The following PROM2 variants were observed in gnomAD, a reference collection of about 807,000 sequenced individuals.
PROM2 encodes prominin 2, also known as prominin-2.
A neutral mutation model predicts 110.2 loss-of-function variants in PROM2; 90 were observed. That is an observed-to-expected ratio of 0.82 (90% CI 0.69 to 0.97). The LOEUF (loss-of-function observed/expected upper bound fraction) is 0.97, where lower values mean the gene tolerates loss of function less well. Among genes scored for constraint, PROM2 ranks in the 50% least tolerant of loss-of-function variants. The pLI, the probability that PROM2 is intolerant of heterozygous loss-of-function variation, is 0.00. For synonymous variants in PROM2, 470 were observed against 467.8 expected (o/e 1.00, Z -0.06); for missense variants, 1,009 against 1,074.8 (o/e 0.94, Z 0.86).
chr2:95,281,501 C>A, intron 12 of PROM2, 136 bp downstream of exon 12: 2 of 1,186,098 alleles, frequency 1.7e-6, no homozygotes, highest in Non-Finnish European at 1.2e-6. Flanking sequence ...ACAGACATGG[C>A]CAAGGAAAGA....
rs753962522 is a variant in PROM2, at chr2:95,276,401, C to T, written c.618+54C>T. 8.7e-6 allele frequency: 14 copies of T among 1,601,626 alleles called. No individual in the cohort carries two copies. Among genetic ancestry groups the T allele is most frequent in the Admixed American group, 1.7e-5 (1 of 59,322 alleles). ...TGCCCCTGTGAGCACTGGGCCCGGGCAGGACAGAGCCGAGTGGGCCCTCGA... is the reference window on the plus strand; with the variant it reads ...TGCCCCTGTGAGCACTGGGCCCGGGTAGGACAGAGCCGAGTGGGCCCTCGA... On this transcript the variant is annotated intron_variant, in intron 4 of 23. Transcript: ENST00000317620. This position sits in a 1 kb window ranked among gnomAD's most constrained non-coding sequence, Gnocchi z 4.6.
In PROM2 at chr2:95,277,482, G is replaced by A; in HGVS notation, c.891G>A (p.Leu297=). 1 of 1,612,446 alleles carries A rather than the reference G, an allele frequency of 6.2e-7. No homozygotes were observed. Among genetic ancestry groups the A allele is most frequent in the Non-Finnish European group, 8.5e-7 (1 of 1,179,714 alleles). The part of the protein sequence containing the change: ...IREHRDRLLE[L]LQEARCQGDC... The stretch of plus-strand genomic sequence containing the variant: ...AACACCGGGACCGCCTCCTTGAGCT[G>A]CTGCAGGAGGCCAGGTGCCAGGGAG... The change falls in exon 7 of 24, where the codon CTG becomes CTA. Residue 297 remains leucine (L), a synonymous_variant. Transcript: ENST00000317620.
chr2:95,286,892 C>A, intron 18 of PROM2, 35 bp downstream of exon 18: 3 of 1,605,678 alleles, frequency 1.9e-6, no homozygotes, highest in Non-Finnish European at 2.6e-6. Flanking sequence ...TGGTGGAGCA[C>A]AGGGGCTGCA....
In PROM2 at chr2:95,288,974, G is replaced by A. The variant is rs773637312; in HGVS notation, c.2483G>A (p.Arg828Gln). ...GAGACTCAGCTCTTCCACATCCCCC[G>A]GGTTACCTCCCTGAAGCTGTAGGGC... ...SEETQLFHIP[R>Q]VTSLKL The change falls in exon 23 of 24, where the codon CGG (arginine) becomes CAG (glutamine). Residue 828 changes from arginine (R) to glutamine (Q), a missense_variant. Coordinates refer to ENST00000317620, the MANE Select transcript of PROM2 (RefSeq NM_001165978.3). 5.0e-6 allele frequency: 8 copies of A among 1,614,102 alleles called. No individual in the cohort carries two copies. The East Asian group carries it at 1.3e-4, about 27-fold the overall frequency.
chr2:95,285,589 C>T lies in PROM2; in HGVS notation c.1876-50C>T, dbSNP rs1388689244. On this transcript the variant is annotated intron_variant, in intron 15 of 23. Transcript: ENST00000317620. ...GAGGCTGGGATCAGGTGGTGGTGGG[C>T]CCCAGGGGAGCTGGGTTCATCCCTC... 3 of 1,489,068 alleles carry T rather than the reference C, an allele frequency of 2.0e-6. No homozygotes were observed. In the African/African-American group the frequency reaches 4.2e-5, roughly 21 times the overall value. The allele number at this position is 1,489,068 out of a possible 1,614,324, so 92.2% of individuals were successfully genotyped here.
At chr2:95,284,919 TC>T (rs1218513809) in intron 14 of PROM2, 49 bp from the exon 15 acceptor site, 1 of 1,571,914 alleles carries the variant, frequency 6.4e-7, no homozygotes, top group African/African-American at 1.3e-5. Flanking sequence ...ATCTCTGGGG[TC>T]CTGGCTCAGC....
In PROM2 at chr2:95,275,461, A is replaced by C; in HGVS notation, c.245A>C (p.Glu82Ala). 6.2e-7 allele frequency: 1 copy of C among 1,612,212 alleles called. No individual in the cohort carries two copies. The highest frequency in any genetic ancestry group is 8.5e-7 in the Non-Finnish European group (1 of 1,179,096). The change falls in exon 2 of 24, where the codon GAG (glutamate) becomes GCG (alanine). Residue 82 changes from glutamate (E) to alanine (A), a missense_variant and splice_region_variant. Glu to Ala is a moderately radical substitution (Grantham distance 107). Coordinates refer to ENST00000317620, the MANE Select transcript of PROM2 (RefSeq NM_001165978.3). This position sits in a 1 kb window ranked among gnomAD's most constrained non-coding sequence, Gnocchi z 4.4. ...TCCTCAGCTTGGCTCTTTCCCATAG[A>C]GTTGGTAAAGGCCCTACTGAATGAG... ...SVVQLNPFPS[E>A]LVKALLNELA...
intron 10 of PROM2, among the ~76,000 whole-genome samples, 161 bp from the exon 11 acceptor site, chr2:95,279,684 A>ACTCAGGC (rs1196895115): frequency 6.6e-6 from 1 of 152,098 alleles, no homozygotes; most frequent in Non-Finnish European, 1.5e-5. Context: ...GAGCCTGGAG[A>ACTCAGGC]CCACACAAGA....
chr2:95,287,001 C>A, intron 18 of PROM2, 132 bp from the exon 19 acceptor site: 1 of 1,259,488 alleles, frequency 7.9e-7, no homozygotes, highest in South Asian at 1.3e-5. Flanking sequence ...GCAGCAGAGC[C>A]TGGGGGATCA....
chr2:95,285,971 T>C (rs1489306098), intron 16 of PROM2, among the ~76,000 whole-genome samples: 1 of 152,184 alleles, frequency 6.6e-6, no homozygotes, highest in African/African-American at 2.4e-5. Context: ...GGGTGGACTG[T>C]CCTCCATCTC....
In PROM2 at chr2:95,274,841, C is replaced by T. The variant is rs1676553210; in HGVS notation, c.244+12C>T. ...TCCTTTCCCTTCAGGTGAGTGTGCC[C>T]CTCCCCCATGAGGGCCTCAGCATTT... On this transcript the variant is annotated intron_variant, in intron 1 of 23. Coordinates refer to ENST00000317620, the MANE Select transcript of PROM2 (RefSeq NM_001165978.3). The T allele has an allele frequency of 1.0e-5, 16 of 1,537,022 alleles. No individual in the cohort carries two copies. The highest frequency in any genetic ancestry group is 2.4e-5 in the East Asian group (1 of 42,402).
Position 95,277,376 on chromosome 2 carries a change from C to G in PROM2, c.785C>G (p.Ser262Cys). ...VGSLGQVLQVSVHHLQTLNAT... is the reference protein window; with the variant it reads ...VGSLGQVLQVCVHHLQTLNAT... ...GTGGGTCTCTCAGTCCTGCAGGTCT[C>G]CGTGCACCACCTGCAAACCTTGAAT... Residue 262 changes from serine to cysteine, a missense_variant, in exon 7 of 24, where the codon TCC (serine) becomes TGC (cysteine). Ser to Cys is a moderately radical substitution (Grantham distance 112, BLOSUM62 -1). Transcript: ENST00000317620. 6.2e-7 allele frequency: 1 copy of G among 1,611,294 alleles called. No homozygotes were observed. The highest frequency in any genetic ancestry group is 1.3e-5 in the African/African-American group (1 of 74,976).
chr2:95,288,392 G>T (rs1677505009), intron 21 of PROM2, 91 bp from the exon 22 acceptor site: 1 of 1,587,070 alleles, frequency 6.3e-7, no homozygotes, highest in Middle Eastern at 1.7e-4. Context: ...GTGAAGCCAG[G>T]CATGGCCTCT....
At chr2:95,278,645 C>A in intron 8 of PROM2, 76 bp from the exon 9 acceptor site, 1 of 1,552,976 alleles carries the variant, frequency 6.4e-7, no homozygotes, top group Non-Finnish European at 8.9e-7. Flanking sequence ...TCCCTCTAGG[C>A]CTGGTGACTT....
Position 95,276,208 on chromosome 2 carries a change from C to T in PROM2, c.498-19C>T, listed in dbSNP as rs748387985. The T allele has an allele frequency of 3.7e-5, 60 of 1,613,800 alleles. No homozygotes were observed. Among genetic ancestry groups the T allele is most frequent in the South Asian group, 1.6e-4 (15 of 91,082 alleles). ...CCTCTTACCCAGCAAGCACCTTCCT[C>T]CTCCCTCCATTCCCACAGGATTGGT... On this transcript the variant is annotated intron_variant, in intron 3 of 23. Coordinates refer to ENST00000317620, the MANE Select transcript of PROM2 (RefSeq NM_001165978.3). This position sits in a 1 kb window ranked among gnomAD's most constrained non-coding sequence, Gnocchi z 4.6.
At chr2:95,279,422 A>G (rs989093573) in intron 10 of PROM2, among the ~76,000 whole-genome samples, 3 of 150,652 alleles carry the variant, frequency 2.0e-5, no homozygotes, top group Admixed American at 2.0e-4. Context: ...TCAGCCTCCC[A>G]AGTAGCTGGG....
chr2:95,282,081 G>T, intron 13 of PROM2, 61 bp from the exon 14 acceptor site: 1 of 1,608,290 alleles, frequency 6.2e-7, no homozygotes, highest in Non-Finnish European at 8.5e-7. Flanking sequence ...TGTCCCTCAG[G>T]GGACATCAGC....
intron 18 of PROM2, 47 bp from the exon 19 acceptor site, chr2:95,287,086 G>A (rs1255157966): frequency 6.5e-7 from 1 of 1,528,588 alleles, no homozygotes; most frequent in Non-Finnish European, 9.1e-7. Flanking sequence ...ATTAATGAAT[G>A]GATGCGTGAA....
intron 20 of PROM2, 85 bp downstream of exon 20, chr2:95,287,549 G>T: frequency 7.0e-7 from 1 of 1,420,480 alleles, no homozygotes; most frequent in Admixed American, 1.8e-5. Context: ...CCCGCCCCCG[G>T]AGCCCCTTGG....
Sources: allele counts gnomAD v4.1 joint callset (sites outside exome capture counted in the v4.1 genomes callset), GRCh38; gene constraint gnomAD v4.1.1; non-coding constraint Gnocchi (gnomAD v3.1); transcripts MANE v1.5; gene names NCBI Gene and HGNC (gene_info 2026-07-23, HGNC 2026-07-21).